Variants in ADCY3 observed in about 807,000 individuals in gnomAD.
ADCY3 encodes the protein adenylate cyclase 3.
In ADCY3, 70 loss-of-function variants were observed where a neutral mutation model predicts 119.4. That is an observed-to-expected ratio of 0.59 (90% CI 0.48 to 0.72). ADCY3 has a LOEUF of 0.72. Ranked by LOEUF, ADCY3 falls within the 30% of genes least tolerant of loss-of-function variation. The pLI, the probability that ADCY3 is intolerant of heterozygous loss-of-function variation, is 0.00. For missense variants in ADCY3, 1,238 were observed against 1,541.6 expected, an observed-to-expected ratio of 0.80 and a Z score of 3.30; for synonymous variants, 672 against 621.4, an observed-to-expected ratio of 1.08 and a Z score of -1.21.
At chr2:24,839,812 G>A (rs1486703435) in intron 7 of ADCY3, 61 bp downstream of exon 7, 5 of 1,609,268 alleles carry the variant, frequency 3.1e-6, no homozygotes, top group Non-Finnish European at 4.2e-6. Context: ...ACAGCCCTGG[G>A]GGATGGAGGG....
chr2:24,834,704 G>A lies in ADCY3; in HGVS notation c.1806-58C>T, dbSNP rs1406885352. On this transcript the variant is annotated intron_variant, in intron 10 of 21. Transcript: ENST00000679454. The surrounding 1 kb of genome is among the most constrained non-coding windows in gnomAD (Gnocchi z 4.2). ...TGCCACATCTGCCTTGGCCTAGCAG[G>A]GGGGCCGTATTTGGGATGCTCAGTT... 8 of 1,604,030 alleles carry A rather than the reference G, an allele frequency of 5.0e-6. No homozygotes were observed. The highest frequency in any genetic ancestry group is 6.0e-6 in the Non-Finnish European group (7 of 1,172,106).
At chr2:24,879,028 C>G (rs1216067063) in intron 2 of ADCY3, among the ~76,000 whole-genome samples, 2 of 152,224 alleles carry the variant, frequency 1.3e-5, no homozygotes, top group Non-Finnish European at 2.9e-5. Context: ...TAGGCAACAA[C>G]TGGCAGATGG....
At chr2:24,835,482 G>A (rs1233067845) in intron 9 of ADCY3, among the ~76,000 whole-genome samples, 1 of 152,174 alleles carries the variant, frequency 6.6e-6, no homozygotes, top group Admixed American at 6.5e-5. Context: ...AGGTGGAGCT[G>A]GGGCACCCAC....
chr2:24,887,712 G>C (rs1033541569), intron 2 of ADCY3, among the ~76,000 whole-genome samples: 1 of 152,110 alleles, frequency 6.6e-6, no homozygotes, highest in Non-Finnish European at 1.5e-5. Context: ...TCCAAACTCA[G>C]GCTGGAGTGG....
At chr2:24,830,945 G>A in intron 12 of ADCY3, 120 bp from the exon 13 acceptor site, 1 of 763,592 alleles carries the variant, frequency 1.3e-6, no homozygotes. Flanking sequence ...AACGGACTCT[G>A]CCTGGGAGTC....
In ADCY3 at chr2:24,819,964, T is replaced by A. The variant is rs1421584169; in HGVS notation, c.3403A>T (p.Thr1135Ser). 6.2e-7 allele frequency: 1 copy of A among 1,613,804 alleles called. No homozygotes were observed. The highest frequency in any genetic ancestry group is 1.7e-5 in the Admixed American group (1 of 59,986). The stretch of plus-strand genomic sequence containing the variant: ...TTGTCCACCACCTGGTGGGGCAGTG[T>A]GACAGAGGGGCCATTGGGGAAGGTG... ...LATFPNGPSV[T>S]LPHQVVDNS Residue 1135 changes from threonine (T) to serine (S), a missense_variant, in exon 22 of 22, where the codon ACA becomes TCA. Physicochemically the swap from Thr to Ser is moderately conservative, Grantham distance 58. Around this residue, in one of 7 missense-constraint regions of ADCY3, gnomAD observed 86 missense variants for 70.7 expected, o/e 1.22. Coordinates refer to ENST00000679454, the MANE Select transcript of ADCY3 (RefSeq NM_004036.5).
chr2:24,839,770 TTC>T lies in ADCY3; in HGVS notation c.1355+101_1355+102del, dbSNP rs1228850909. Reference sequence around the variant, plus strand: ...GCTGTTCCGGGGTTGTAGGGAGGCCTTCTCTGAGGCCCCCTGTCCCTCATCAG... The same window carrying T: ...GCTGTTCCGGGGTTGTAGGGAGGCCTTCTGAGGCCCCCTGTCCCTCATCAG... On this transcript the variant is annotated intron_variant, in intron 7 of 21. Transcript: ENST00000679454. 51 of 1,535,994 alleles carry T rather than the reference TTC, an allele frequency of 3.3e-5. No individual in the cohort carries two copies. In the Middle Eastern group the frequency reaches 1.3e-3, roughly 38 times the overall value.
chr2:24,888,319 G>C (rs1677301476), intron 2 of ADCY3, among the ~76,000 whole-genome samples: 1 of 152,196 alleles, frequency 6.6e-6, no homozygotes, highest in African/African-American at 2.4e-5. Context: ...CCTGGCCCCA[G>C]GACCCTGCCA....
chr2:24,869,776 A>C (rs1331813730), intron 3 of ADCY3, among the ~76,000 whole-genome samples: 1 of 152,184 alleles, frequency 6.6e-6, no homozygotes, highest in Admixed American at 6.5e-5. Context: ...TCTTCAAACT[A>C]TCAGGGGTTA....
At chr2:24,876,550 A>G (rs928267891) in intron 2 of ADCY3, among the ~76,000 whole-genome samples, 1 of 152,134 alleles carries the variant, frequency 6.6e-6, no homozygotes, top group African/African-American at 2.4e-5. Flanking sequence ...GCCCCTCAAA[A>G]TATGTCTGTA....
intron 2 of ADCY3, among the ~76,000 whole-genome samples, chr2:24,902,475 T>C (rs1679027290): frequency 6.6e-6 from 1 of 152,118 alleles, no homozygotes; most frequent in African/African-American, 2.4e-5. Flanking sequence ...TCCCAACATG[T>C]GCCATGGTGC....
rs1024822614 is a variant in ADCY3, at chr2:24,841,001, G to A, written c.1196+258C>T. On this transcript the variant is annotated intron_variant, in intron 6 of 21. Transcript: ENST00000679454. The surrounding 1 kb of genome is among the most constrained non-coding windows in gnomAD (Gnocchi z 5.8). The stretch of plus-strand genomic sequence containing the variant: ...GCAACTTCTGGCAAAAAGAGAATAC[G>A]TGGACTAAGGCTGGAAAAGTGTGCC... Among the ~76,000 whole-genome samples, 5 of 152,240 alleles carry A rather than the reference G, an allele frequency of 3.3e-5. No homozygotes were observed. Among genetic ancestry groups the A allele is most frequent in the Non-Finnish European group, 5.9e-5 (4 of 68,026 alleles).
chr2:24,890,547 T>C lies in ADCY3; in HGVS notation c.676-17828A>G, dbSNP rs573502637. On this transcript the variant is annotated intron_variant, in intron 2 of 21. Coordinates refer to ENST00000679454, the MANE Select transcript of ADCY3 (RefSeq NM_004036.5). The stretch of plus-strand genomic sequence containing the variant: ...TGATAGTTTGTGCCTCTCAAGTAAT[T>C]TGTCCAATTTGTCTAAGTCGTTCAA... Among the ~76,000 whole-genome samples the C allele has an allele frequency of 2.0e-5, 3 of 152,342 alleles. No individual in the cohort carries two copies. In the East Asian group the frequency reaches 5.8e-4, roughly 29 times the overall value.
chr2:24,918,404 A>G lies in ADCY3; in HGVS notation c.584T>C (p.Val195Ala), dbSNP rs1300477067. 3 of 1,613,780 alleles carry G rather than the reference A, an allele frequency of 1.9e-6. No individual in the cohort carries two copies. The highest frequency in any genetic ancestry group is 2.2e-5 in the East Asian group (1 of 44,890). The part of the protein sequence containing the change: ...LSLSPIVIIS[V>A]VSCVVHTLVL... ...CAACGTGTGCACCACACAGGAGACC[A>G]CGGAGATGATCACGATGGGGCTGAG... The change falls in exon 2 of 22, where the codon GTG becomes GCG. Residue 195 changes from valine to alanine, a missense_variant. Physicochemically the swap from Val to Ala is moderately conservative, Grantham distance 64. This residue lies in a region of ADCY3 where 283 missense variants were observed against 437.2 expected (regional missense o/e 0.65). Coordinates refer to ENST00000679454, the MANE Select transcript of ADCY3 (RefSeq NM_004036.5). This position sits in a 1 kb window ranked among gnomAD's most constrained non-coding sequence, Gnocchi z 5.4.
chr2:24,879,810 TG>T (rs1177555267), intron 2 of ADCY3, among the ~76,000 whole-genome samples: 1 of 152,052 alleles, frequency 6.6e-6, no homozygotes, highest in African/African-American at 2.4e-5. Flanking sequence ...TGAACTGTGA[TG>T]GGTGTCTGCC....
At chr2:24,861,647 C>T (rs1673671433) in intron 3 of ADCY3, among the ~76,000 whole-genome samples, 1 of 152,222 alleles carries the variant, frequency 6.6e-6, no homozygotes, top group African/African-American at 2.4e-5. Context: ...CTGCACTCAG[C>T]TCCGAAGACC....
At chr2:24,822,318 TG>T in intron 19 of ADCY3, 192 bp downstream of exon 19, 2 of 728,816 alleles carry the variant, frequency 2.7e-6, no homozygotes, top group Non-Finnish European at 4.4e-6. Context: ...GGGGGTTGTG[TG>T]TCTGTTCTGT....
chr2:24,919,186 T>A lies in ADCY3; in HGVS notation c.-197-2A>T. 8.4e-6 allele frequency: 5 copies of A among 595,754 alleles called. No individual in the cohort carries two copies. The highest frequency in any genetic ancestry group is 1.2e-5 in the Non-Finnish European group (4 of 337,608). 36.9% of individuals were successfully genotyped at this position (595,754 alleles called of 1,614,324 possible). A position where few individuals can be genotyped will look rare whatever the true frequency, so the allele number is the denominator to read the frequency against. ...ACAGGTAGCACTGATCAGCTAGAAC[T>A]GAAAAGGGCATTGCTGAGTAGAAGC... is the stretch of plus-strand genomic sequence containing the variant. On this transcript the variant is annotated splice_acceptor_variant, in intron 1 of 21. Coordinates refer to ENST00000679454, the MANE Select transcript of ADCY3 (RefSeq NM_004036.5). LOFTEE classifies it low-confidence loss of function (5UTR_SPLICE). The surrounding 1 kb of genome is among the most constrained non-coding windows in gnomAD (Gnocchi z 5.5).
At chr2:24,870,433 A>G (rs1422184795) in intron 3 of ADCY3, among the ~76,000 whole-genome samples, 3 of 152,138 alleles carry the variant, frequency 2.0e-5, no homozygotes, top group Non-Finnish European at 4.4e-5. Flanking sequence ...CTCAGGACAG[A>G]GCCTGGCTAG....
Sources: allele counts gnomAD v4.1 joint callset (sites outside exome capture counted in the v4.1 genomes callset), GRCh38; gene constraint gnomAD v4.1.1; regional missense constraint gnomAD v4.1.1; non-coding constraint Gnocchi (gnomAD v3.1); transcripts MANE v1.5; gene names NCBI Gene and HGNC (gene_info 2026-07-23, HGNC 2026-07-21).